Variants in ZNF385D observed in about 807,000 individuals in gnomAD.
The protein encoded by ZNF385D is zinc finger protein 659.
A neutral mutation model predicts 35.8 loss-of-function variants in ZNF385D; 15 were observed. That is an observed-to-expected ratio of 0.42 (90% CI 0.28 to 0.64). ZNF385D has a LOEUF of 0.64. Among genes scored for constraint, ZNF385D ranks in the 30% least tolerant of loss-of-function variants. The pLI is 0.23. For missense variants in ZNF385D, 474 were observed against 494.6 expected (o/e 0.96, Z 0.39); for synonymous variants, 212 against 186.8 (o/e 1.13, Z -1.10).
Position 21,902,013 on chromosome 3 carries a change from T to A in ZNF385D, c.326-236985A>T, listed in dbSNP as rs533594707. ...CATTGGGTGATAAGCTATTCTTTAT[T>A]CCCTTTGGTCTCCTGAAACATGACA... On this transcript the variant is annotated intron_variant, in intron 3 of 5. Coordinates refer to the ZNF385D transcript ENST00000494108. Among the ~76,000 whole-genome samples, 7 of 152,268 alleles carry A rather than the reference T, an allele frequency of 4.6e-5. No individual in the cohort carries two copies. In the South Asian group the frequency reaches 1.5e-3, roughly 32 times the overall value.
intron 3 of ZNF385D, among the ~76,000 whole-genome samples, chr3:22,136,373 G>C (rs929221201): frequency 2.2e-5 from 3 of 134,570 alleles, no homozygotes; most frequent in Non-Finnish European, 4.8e-5. Flanking sequence ...GGGCGACAAA[G>C]TGAGACTTTG....
At chr3:22,256,875 A>T (rs1332074664) in intron 2 of ZNF385D, among the ~76,000 whole-genome samples, 1 of 151,892 alleles carries the variant, frequency 6.6e-6, no homozygotes, top group Non-Finnish European at 1.5e-5. Flanking sequence ...AACACAAGTA[A>T]ATGTATGATG....
At chr3:21,938,680 G>A (rs1031923197) in intron 3 of ZNF385D, among the ~76,000 whole-genome samples, 4 of 152,070 alleles carry the variant, frequency 2.6e-5, no homozygotes, top group African/African-American at 4.8e-5. Context: ...GCACTCACAC[G>A]CATTCCTTTC....
intron 3 of ZNF385D, among the ~76,000 whole-genome samples, chr3:21,556,062 GTTTT>G (rs1362972751): frequency 1.1e-5 from 1 of 93,140 alleles, no homozygotes; most frequent in Admixed American, 1.0e-4. Flanking sequence ...CGTTTTTTTT[GTTTT>G]TGTTTTTTTT....
intron 2 of ZNF385D, among the ~76,000 whole-genome samples, chr3:21,612,824 T>A (rs138293073): frequency 7.4e-4 from 113 of 152,292 alleles, no homozygotes; most frequent in Middle Eastern, 3.4e-3. Flanking sequence ...CTCTTTTTTT[T>A]CACAAAGCAG....
rs116309105 is a variant in ZNF385D at position 22,357,590 on chromosome 3, A to G, written c.106+14860T>C. ...GTTATGCTAAACTATCAAAATCCTA[A>G]AATTCTAGTAACTTAAAGAAAAAAA... is the stretch of plus-strand genomic sequence containing the variant. On this transcript the variant is annotated intron_variant, in intron 2 of 5. Coordinates refer to the ZNF385D transcript ENST00000494108. Among the ~76,000 whole-genome samples, 746 of 151,790 alleles carry G rather than the reference A, an allele frequency of 4.9e-3. 11 individuals are homozygous for G. The highest frequency in any genetic ancestry group is 0.017 in the African/African-American group (682 of 41,318).
chr3:22,321,614 C>T (rs749230935), intron 2 of ZNF385D, among the ~76,000 whole-genome samples: 9 of 152,134 alleles, frequency 5.9e-5, no homozygotes, highest in Non-Finnish European at 4.4e-5. Context: ...ATCCACTCAC[C>T]TCGGCCTCCC....
chr3:21,529,014 A>G (rs765491626), intron 3 of ZNF385D, among the ~76,000 whole-genome samples: 22 of 152,198 alleles, frequency 1.4e-4, no homozygotes, highest in Non-Finnish European at 5.9e-5. Context: ...TAATACCTAG[A>G]AGATGTGCTG....
At chr3:21,979,499 C>T (rs1167388641) in intron 3 of ZNF385D, 1 of 152,140 alleles carries the variant, frequency 6.6e-6, no homozygotes, top group East Asian at 1.9e-4. Flanking sequence ...TTTCCTCTAA[C>T]AAATTGTGGG....
intron 2 of ZNF385D, among the ~76,000 whole-genome samples, chr3:21,585,214 A>C (rs2125715171): frequency 6.6e-6 from 1 of 152,306 alleles, no homozygotes; most frequent in Middle Eastern, 3.4e-3. Flanking sequence ...TTTGACCATA[A>C]AAAACTATTC....
At chr3:21,664,599 TA>T (rs2066344647) in intron 2 of ZNF385D, among the ~76,000 whole-genome samples, 1 of 152,208 alleles carries the variant, frequency 6.6e-6, no homozygotes, top group African/African-American at 2.4e-5. Context: ...TATGGATGTA[TA>T]CCTACAAAGC....
chr3:21,620,167 G>A (rs2064962968), intron 2 of ZNF385D, among the ~76,000 whole-genome samples: 1 of 152,176 alleles, frequency 6.6e-6, no homozygotes, highest in Admixed American at 6.5e-5. Flanking sequence ...GTAACGAAGT[G>A]TACACCAGAA....
At chr3:21,966,227 G>A (rs145047450) in intron 3 of ZNF385D, among the ~76,000 whole-genome samples, 1 of 152,128 alleles carries the variant, frequency 6.6e-6, no homozygotes, top group African/African-American at 2.4e-5. Flanking sequence ...GATGTTACAG[G>A]CTTGAATGAG....
intron 2 of ZNF385D, among the ~76,000 whole-genome samples, chr3:22,222,762 T>C (rs1298382141): frequency 6.6e-6 from 1 of 152,190 alleles, no homozygotes; most frequent in Admixed American, 6.5e-5. Context: ...AAATGTGAAT[T>C]TTTATTATTA....
In ZNF385D at chr3:21,437,221, C is replaced by T. The variant is rs17008726; in HGVS notation, c.440-18G>A. On this transcript the variant is annotated intron_variant, in intron 4 of 7. Coordinates refer to ENST00000281523, the MANE Select transcript of ZNF385D (RefSeq NM_024697.3). ...AGTACCGTCTGTATTCAAAATAACA[C>T]AGAAAAAAGGGGGAAAAACAATGGT... The T allele has an allele frequency of 7.3e-3, 11,661 of 1,590,144 alleles. 640 individuals carry two copies. In the African/African-American group the frequency reaches 0.13, roughly 18 times the overall value.
At chr3:21,507,905 T>C (rs751414400) in intron 4 of ZNF385D, among the ~76,000 whole-genome samples, 2 of 152,214 alleles carry the variant, frequency 1.3e-5, no homozygotes, top group African/African-American at 2.4e-5. Flanking sequence ...TCTTTTCTCA[T>C]AGAGAGTTTT....
chr3:21,969,127 T>C (rs1289782646), intron 3 of ZNF385D, among the ~76,000 whole-genome samples: 2 of 152,154 alleles, frequency 1.3e-5, no homozygotes, highest in African/African-American at 2.4e-5. Context: ...GAGACTCCTC[T>C]GCTTGTAAAA....
intron 2 of ZNF385D, among the ~76,000 whole-genome samples, chr3:22,254,348 C>A (rs1700208557): frequency 6.6e-6 from 1 of 151,752 alleles, no homozygotes; most frequent in African/African-American, 2.4e-5. Flanking sequence ...TTTTTCCGTG[C>A]AAGCAGGGTA....
chr3:22,000,215 G>C (rs761659196), intron 3 of ZNF385D, among the ~76,000 whole-genome samples: 9 of 152,060 alleles, frequency 5.9e-5, no homozygotes, highest in Non-Finnish European at 8.8e-5. Context: ...TGAGGCAGGA[G>C]AATGGCTTGA....
Sources: allele counts gnomAD v4.1 joint callset (sites outside exome capture counted in the v4.1 genomes callset), GRCh38; gene constraint gnomAD v4.1.1; transcripts MANE v1.5; gene names NCBI Gene and HGNC (gene_info 2026-07-23, HGNC 2026-07-21).